Variants in FAM184B observed in about 807,000 individuals in gnomAD.
FAM184B encodes family with sequence similarity 184 member B.
In FAM184B, 111 loss-of-function variants were observed where a neutral mutation model predicts 135.9. The ratio of observed to expected loss-of-function variants is 0.82; its 90% CI spans 0.70 to 0.96. The LOEUF (loss-of-function observed/expected upper bound fraction) is 0.96. FAM184B is among the 40% of genes least tolerant of loss of function. The pLI is 0.00. For synonymous variants in FAM184B, 552 were observed against 524.8 expected (o/e 1.05, Z -0.71); for missense variants, 1,375 against 1,323.9 (o/e 1.04, Z -0.60).
At chr4:17,737,641 T>A (rs1717941299) in intron 1 of FAM184B, among the ~76,000 whole-genome samples, 1 of 152,200 alleles carries the variant, frequency 6.6e-6, no homozygotes, top group African/African-American at 2.4e-5. Flanking sequence ...TTGAGTTGAC[T>A]GATTTATCTT....
chr4:17,726,595 C>T lies in FAM184B; in HGVS notation c.142-16951G>A, dbSNP rs921158380. Among the ~76,000 whole-genome samples, 6 of 152,288 alleles carry T rather than the reference C, an allele frequency of 3.9e-5. No homozygotes were observed. In the South Asian group the frequency reaches 1.2e-3, roughly 32 times the overall value. On this transcript the variant is annotated intron_variant, in intron 1 of 17. Coordinates refer to ENST00000265018, the MANE Select transcript of FAM184B (RefSeq NM_015688.2). Reference sequence around the variant, plus strand: ...CCATGTTGGTCAGGCTGGTCTCAAACTCCTGACCTCAGGTGAGCCACCCAT... The same window carrying T: ...CCATGTTGGTCAGGCTGGTCTCAAATTCCTGACCTCAGGTGAGCCACCCAT...
At chr4:17,733,724 G>A (rs1035329413) in intron 1 of FAM184B, among the ~76,000 whole-genome samples, 2 of 152,158 alleles carry the variant, frequency 1.3e-5, no homozygotes, top group East Asian at 3.8e-4. Context: ...TGGGTAGGAA[G>A]AATCAATATC....
In FAM184B at chr4:17,709,851, T is replaced by G. The variant is rs145217161; in HGVS notation, c.142-207A>C. On this transcript the variant is annotated intron_variant, in intron 1 of 17. Transcript: ENST00000265018. ...AAGTGCGACAGGGAAGGACTTGGAT[T>G]GGGAGCAAAGGGGTGACATTGCACA... is the stretch of plus-strand genomic sequence containing the variant. Among the ~76,000 whole-genome samples, 637 of 152,248 alleles carry G rather than the reference T, an allele frequency of 4.2e-3. 5 individuals carry two copies. Among genetic ancestry groups the G allele is most frequent in the African/African-American group, 0.015 (603 of 41,540 alleles).
At chr4:17,638,134 CTTTTTTT>C (rs56926847) in intron 14 of FAM184B, among the ~76,000 whole-genome samples, 37 of 73,406 alleles carry the variant, frequency 5.0e-4, no homozygotes, top group African/African-American at 1.2e-3. Context: ...TAACTGTTTG[CTTTTTTT>C]TTTTTTTTTT....
At chr4:17,733,408 T>C (rs554421703) in intron 1 of FAM184B, among the ~76,000 whole-genome samples, 81 of 152,322 alleles carry the variant, frequency 5.3e-4, no homozygotes, top group African/African-American at 1.4e-3. Flanking sequence ...TGTTTGCAGA[T>C]GACATGATTG....
intron 11 of FAM184B, among the ~76,000 whole-genome samples, chr4:17,648,714 C>A (rs551264969): frequency 6.6e-6 from 1 of 152,092 alleles, no homozygotes; most frequent in Admixed American, 6.6e-5. Flanking sequence ...GGGGTCTTGG[C>A]TGGATCATGG....
chr4:17,642,020 GGGTGGCGC>G (rs1560165442), intron 13 of FAM184B, 28 bp downstream of exon 13: 8 of 1,504,092 alleles, frequency 5.3e-6, no homozygotes, highest in Non-Finnish European at 6.2e-6. Flanking sequence ...TAGGGGGTGA[GGGTGGCGC>G]GGTGGCGGGG....
intron 1 of FAM184B, among the ~76,000 whole-genome samples, chr4:17,766,531 C>T (rs1359136765): frequency 2.0e-5 from 3 of 151,886 alleles, no homozygotes; most frequent in Non-Finnish European, 4.4e-5. Context: ...AAACCTTGAG[C>T]TAGACACAGA....
chr4:17,666,305 CTT>C (rs71167320), intron 7 of FAM184B, among the ~76,000 whole-genome samples: 26 of 131,212 alleles, frequency 2.0e-4, no homozygotes, highest in Admixed American at 3.2e-4. Flanking sequence ...CCCTGGAATT[CTT>C]TTTTTTTTTT....
chr4:17,754,922 G>A (rs1030601891), intron 1 of FAM184B, among the ~76,000 whole-genome samples: 1 of 151,668 alleles, frequency 6.6e-6, no homozygotes. Context: ...CACCCAGGCC[G>A]CAGTGCAGTG....
At chr4:17,717,499 C>T (rs1286706467) in intron 1 of FAM184B, among the ~76,000 whole-genome samples, 1 of 152,088 alleles carries the variant, frequency 6.6e-6, no homozygotes. Context: ...CTGCTCCAGG[C>T]CTCATTTATA....
chr4:17,776,089 T>C (rs185241798), intron 1 of FAM184B, among the ~76,000 whole-genome samples: 25 of 152,326 alleles, frequency 1.6e-4, no homozygotes, highest in African/African-American at 6.0e-4. Context: ...AATGGGCACC[T>C]TGGGCCTTGG....
At chr4:17,731,442 G>T (rs1717772403) in intron 1 of FAM184B, among the ~76,000 whole-genome samples, 2 of 152,140 alleles carry the variant, frequency 1.3e-5, no homozygotes, top group African/African-American at 4.8e-5. Flanking sequence ...CATCTCACGT[G>T]CAGAGACACA....
intron 1 of FAM184B, among the ~76,000 whole-genome samples, chr4:17,728,844 T>C (rs1717702469): frequency 6.6e-6 from 1 of 152,208 alleles, no homozygotes; most frequent in South Asian, 2.1e-4. Flanking sequence ...AGGTGATTTC[T>C]GCATTTCCAT....
At chr4:17,739,260 C>T (rs1481666483) in intron 1 of FAM184B, among the ~76,000 whole-genome samples, 1 of 152,144 alleles carries the variant, frequency 6.6e-6, no homozygotes, top group East Asian at 1.9e-4. Context: ...CCCTCCTCAG[C>T]CACCATGGCG....
chr4:17,708,887 T>C lies in FAM184B; in HGVS notation c.894+5A>G. ...TTGGGGTTGTAAGAAGAGATGCTGC[T>C]TTACCTGAATCCTCTCCTTCAGCTT... On this transcript the variant is annotated splice_donor_5th_base_variant and intron_variant, in intron 2 of 17. Coordinates refer to ENST00000265018, the MANE Select transcript of FAM184B (RefSeq NM_015688.2). The C allele has an allele frequency of 1.3e-6, 2 of 1,497,186 alleles. No homozygotes were observed. The highest frequency in any genetic ancestry group is 1.8e-6 in the Non-Finnish European group (2 of 1,120,900). The allele number at this position is 1,497,186 out of a possible 1,614,324, so 92.7% of individuals were successfully genotyped here.
rs1714978978 is a variant in FAM184B, at chr4:17,632,384, G to A, written c.*148C>T. Reference sequence around the variant, plus strand: ...GCTGCTGTGCCTGGCAGAACAGTATGAAGTGTTAACGCCAAAATTTGTTTT... The same window carrying A: ...GCTGCTGTGCCTGGCAGAACAGTATAAAGTGTTAACGCCAAAATTTGTTTT... On this transcript the variant is annotated 3_prime_UTR_variant, in exon 18 of 18. Coordinates refer to ENST00000265018, the MANE Select transcript of FAM184B (RefSeq NM_015688.2). 1 of 593,478 alleles carries A rather than the reference G, an allele frequency of 1.7e-6. No individual in the cohort carries two copies. Among genetic ancestry groups the A allele is most frequent in the Admixed American group, 3.0e-5 (1 of 33,618 alleles). 36.8% of individuals were successfully genotyped at this position (593,478 alleles called of 1,614,324 possible). A position where few individuals can be genotyped will look rare whatever the true frequency, so the allele number is the denominator to read the frequency against.
In FAM184B at chr4:17,636,567, G is replaced by C. The variant is rs1467463945; in HGVS notation, c.2745C>G (p.Thr915=). Residue 915 remains threonine, a synonymous_variant, in exon 15 of 18, where the codon ACC becomes ACG. Coordinates refer to ENST00000265018, the MANE Select transcript of FAM184B (RefSeq NM_015688.2). Reference sequence around the variant, plus strand: ...TGATGTCCTCTCTCTCCTTCAGGCGGGTCTGCAGGCGGCCAATGAGCTGAA... The same window carrying C: ...TGATGTCCTCTCTCTCCTTCAGGCGCGTCTGCAGGCGGCCAATGAGCTGAA... ...EDLQLIGRLQ[T]RLKEREDIIK... 1.3e-6 allele frequency: 2 copies of C among 1,550,996 alleles called. No individual in the cohort carries two copies. Among genetic ancestry groups the C allele is most frequent in the African/African-American group, 2.7e-5 (2 of 73,028 alleles).
intron 1 of FAM184B, among the ~76,000 whole-genome samples, chr4:17,757,410 C>T (rs1718447090): frequency 6.6e-6 from 1 of 152,046 alleles, no homozygotes; most frequent in South Asian, 2.1e-4. Context: ...AACTACAAAA[C>T]AATGTAAGTA....
Sources: allele counts gnomAD v4.1 joint callset (sites outside exome capture counted in the v4.1 genomes callset), GRCh38; gene constraint gnomAD v4.1.1; transcripts MANE v1.5; gene names NCBI Gene and HGNC (gene_info 2026-07-23, HGNC 2026-07-21).